The following NIPSNAP1 variants were observed in gnomAD, a reference collection of about 807,000 sequenced individuals.
NIPSNAP1 encodes the protein nipsnap homolog 1.
In NIPSNAP1, 25 loss-of-function variants were observed where a neutral mutation model predicts 49.2. The ratio of observed to expected loss-of-function variants is 0.51; its 90% CI spans 0.37 to 0.71. NIPSNAP1 has a LOEUF of 0.71. Ranked by LOEUF, NIPSNAP1 falls within the 30% of genes least tolerant of loss-of-function variation. The pLI is 0.00. For synonymous variants in NIPSNAP1, 143 were observed against 140.7 expected, an observed-to-expected ratio of 1.02 and a Z score of -0.12; for missense variants, 294 against 361.0, an observed-to-expected ratio of 0.81 and a Z score of 1.50.
intron 1 of NIPSNAP1, among the ~76,000 whole-genome samples, chr22:29,571,356 C>T (rs1262206888): frequency 1.3e-5 from 2 of 152,190 alleles, no homozygotes; most frequent in Non-Finnish European, 2.9e-5. Flanking sequence ...AAGCAAGATG[C>T]ATTCACTCAT....
rs546850339 is a variant in NIPSNAP1, at chr22:29,572,989, A to T, written c.99-2457T>A. ...AGACCATGTCTCAAAAAAAAAAAAAATTTCTTTTTAAAAATAATCTTAAAG... is the reference window on the plus strand; with the variant it reads ...AGACCATGTCTCAAAAAAAAAAAAATTTTCTTTTTAAAAATAATCTTAAAG... On this transcript the variant is annotated intron_variant, in intron 1 of 9. Coordinates refer to ENST00000216121, the MANE Select transcript of NIPSNAP1 (RefSeq NM_003634.4). Among the ~76,000 whole-genome samples, 12 of 151,658 alleles carry T rather than the reference A, an allele frequency of 7.9e-5. No individual in the cohort carries two copies. In the East Asian group the frequency reaches 9.7e-4, roughly 12 times the overall value.
intron 4 of NIPSNAP1, among the ~76,000 whole-genome samples, chr22:29,568,760 C>G (rs571205393): frequency 6.6e-6 from 1 of 152,250 alleles, no homozygotes; most frequent in South Asian, 2.1e-4. Context: ...CTACTGCACT[C>G]CAGCCTGGGG....
At chr22:29,566,947 C>T (rs1431527799) in intron 4 of NIPSNAP1, among the ~76,000 whole-genome samples, 1 of 152,104 alleles carries the variant, frequency 6.6e-6, no homozygotes, top group Admixed American at 6.6e-5. Context: ...CATGGTGAAA[C>T]CCTGTTTCTA....
At position 29,569,235 on chromosome 22, in the gene NIPSNAP1, C is replaced by A. The variant is rs771705391; in HGVS notation, c.325G>T (p.Val109Leu). 2 of 1,614,026 alleles carry A rather than the reference C, an allele frequency of 1.2e-6. No individual in the cohort carries two copies. Among genetic ancestry groups the A allele is most frequent in the Admixed American group, 1.7e-5 (1 of 59,986 alleles). The change falls in exon 4 of 10, where the codon GTG becomes TTG. Residue 109 changes from valine (V) to leucine (L), a missense_variant. By Grantham distance (32) the Val-to-Leu change is conservative (BLOSUM62 1). Coordinates refer to ENST00000216121, the MANE Select transcript of NIPSNAP1 (RefSeq NM_003634.4). The stretch of plus-strand genomic sequence containing the variant: ...CCATACCACGTGTTCCAGTTGCCCA[C>A]GAGTGAGCATGGGTAGTCCTCATCC... ...HLDEDYPCSL[V>L]GNWNTWYGEQ... is the part of the protein sequence containing the mutation.
intron 1 of NIPSNAP1, among the ~76,000 whole-genome samples, chr22:29,579,330 CT>C (rs1202796373): frequency 1.7e-5 from 2 of 114,600 alleles, no homozygotes; most frequent in Admixed American, 2.3e-4. Context: ...GAGTCTCACT[CT>C]TGTCGCCCAG....
At position 29,555,983 on chromosome 22, in the gene NIPSNAP1, G is replaced by C; in HGVS notation, c.807C>G (p.His269Gln). The C allele has an allele frequency of 6.4e-7, 1 of 1,551,544 alleles. No individual in the cohort carries two copies. Among genetic ancestry groups the C allele is most frequent in the South Asian group, 1.2e-5 (1 of 84,062 alleles). ...AGGGGATCATGATCCTAGACTCCAT[G>C]TGTCGCACCAGGGGGACTGCGGAGA... ...NVYYTVPLVR[H>Q]MESRIMIPLK... Residue 269 changes from histidine (H) to glutamine (Q), a missense_variant, in exon 10 of 10, where the codon CAC (histidine) becomes CAG (glutamine). This residue lies in a region of NIPSNAP1 where 146 missense variants were observed against 219.9 expected (regional missense o/e 0.66). Transcript: ENST00000216121.
At chr22:29,579,032 A>G (rs2064476238) in intron 1 of NIPSNAP1, among the ~76,000 whole-genome samples, 1 of 151,152 alleles carries the variant, frequency 6.6e-6, no homozygotes, top group Non-Finnish European at 1.5e-5. Flanking sequence ...AAGGAGCAAC[A>G]CTTACTGCAT....
intron 9 of NIPSNAP1, among the ~76,000 whole-genome samples, chr22:29,557,342 A>T (rs1253199927): frequency 6.6e-6 from 1 of 151,654 alleles, no homozygotes; most frequent in African/African-American, 2.4e-5. Flanking sequence ...CTGGTCTCCA[A>T]CTCCTGGCCT....
At chr22:29,567,348 A>T (rs774519983) in intron 4 of NIPSNAP1, among the ~76,000 whole-genome samples, 1 of 152,134 alleles carries the variant, frequency 6.6e-6, no homozygotes, top group Non-Finnish European at 1.5e-5. Context: ...AGACAAGAAG[A>T]ACTCCTATTT....
At chr22:29,564,242 T>G (rs2064354921) in intron 4 of NIPSNAP1, 1 of 446,962 alleles carries the variant, frequency 2.2e-6, no homozygotes, top group Non-Finnish European at 4.6e-6. Context: ...CTTCACCTGT[T>G]TTTTGACTCC....
rs1238834219 is a variant in NIPSNAP1 at position 29,577,980 on chromosome 22, C to G, written c.98+3005G>C. Among the ~76,000 whole-genome samples the G allele has an allele frequency of 3.3e-5, 5 of 149,988 alleles. No homozygotes were observed. In the East Asian group the frequency reaches 9.8e-4, roughly 29 times the overall value. ...CTGGTGCGATCTCAGCTCACTGCAA[C>G]CTCCACCTCCCTGGTTTAAGCGATT... On this transcript the variant is annotated intron_variant, in intron 1 of 9. Coordinates refer to ENST00000216121, the MANE Select transcript of NIPSNAP1 (RefSeq NM_003634.4).
chr22:29,565,956 T>C (rs1223343837), intron 4 of NIPSNAP1, among the ~76,000 whole-genome samples: 2 of 152,204 alleles, frequency 1.3e-5, no homozygotes, highest in South Asian at 2.1e-4. Context: ...ATGAAATAGA[T>C]TGGCTTACAA....
chr22:29,574,621 A>T (rs1223391959), intron 1 of NIPSNAP1, among the ~76,000 whole-genome samples: 2 of 152,174 alleles, frequency 1.3e-5, no homozygotes, highest in South Asian at 4.2e-4. Flanking sequence ...TCTACTAAAA[A>T]TACAAAAATT....
chr22:29,567,347 G>C (rs1383939465), intron 4 of NIPSNAP1, among the ~76,000 whole-genome samples: 1 of 152,096 alleles, frequency 6.6e-6, no homozygotes, highest in Non-Finnish European at 1.5e-5. Flanking sequence ...CAGACAAGAA[G>C]AACTCCTATT....
chr22:29,572,497 A>T (rs893527890), intron 1 of NIPSNAP1, among the ~76,000 whole-genome samples: 4 of 151,844 alleles, frequency 2.6e-5, no homozygotes. Flanking sequence ...CCTGGGCAAC[A>T]AAATGAGACT....
chr22:29,574,283 A>AGAAAAG lies in NIPSNAP1; in HGVS notation c.99-3752_99-3751insCTTTTC, dbSNP rs368247073. ...TCACAAAAAAAAAAAAAAAAAAAAAAAAAAAAAAAGAAAGAAAAAGAAAAG... is the reference window on the plus strand; with the variant it reads ...TCACAAAAAAAAAAAAAAAAAAAAAAGAAAAGAAAAAAAAAGAAAGAAAAAGAAAAG... On this transcript the variant is annotated intron_variant, in intron 1 of 9. Transcript: ENST00000216121. Among the ~76,000 whole-genome samples the AGAAAAG allele has an allele frequency of 9.0e-5, 10 of 111,206 alleles. 1 individual carries two copies. The highest frequency in any genetic ancestry group is 5.7e-4 in the East Asian group (2 of 3,524). 73.0% of individuals were successfully genotyped at this position (111,206 alleles called of 152,430 possible).
At chr22:29,564,120 CG>C (rs1261250766) in intron 4 of NIPSNAP1, 1 of 298,172 alleles carries the variant, frequency 3.4e-6, no homozygotes. Flanking sequence ...GGCCCATCAG[CG>C]GAGGAAGGTC....
chr22:29,559,085 A>G (rs888402889), intron 8 of NIPSNAP1, 132 bp from the exon 9 acceptor site: 8 of 720,956 alleles, frequency 1.1e-5, no homozygotes, highest in Non-Finnish European at 2.0e-5. Context: ...CCCTCAGACT[A>G]TTAGCAAACA....
intron 1 of NIPSNAP1, among the ~76,000 whole-genome samples, chr22:29,571,423 GATC>G (rs2064406718): frequency 6.6e-6 from 1 of 152,202 alleles, no homozygotes; most frequent in South Asian, 2.1e-4. Context: ...ATGAATGAAT[GATC>G]AATGAATATG....
Sources: allele counts gnomAD v4.1 joint callset (sites outside exome capture counted in the v4.1 genomes callset), GRCh38; gene constraint gnomAD v4.1.1; regional missense constraint gnomAD v4.1.1; transcripts MANE v1.5; gene names NCBI Gene and HGNC (gene_info 2026-07-23, HGNC 2026-07-21).